Variants in PPP1R12B observed in about 807,000 individuals in gnomAD.
PPP1R12B encodes protein phosphatase 1 regulatory subunit 12B.
A neutral mutation model predicts 126.1 loss-of-function variants in PPP1R12B; 76 were observed. The ratio of observed to expected loss-of-function variants is 0.60; its 90% CI spans 0.50 to 0.73. PPP1R12B has a LOEUF of 0.73. Ranked by LOEUF, PPP1R12B falls within the 30% of genes least tolerant of loss-of-function variation. The pLI is 0.00. For missense variants in PPP1R12B, 1,052 were observed against 1,205.1 expected (o/e 0.87, Z 1.88); for synonymous variants, 356 against 434.7 (o/e 0.82, Z 2.25).
intron 1 of PPP1R12B, among the ~76,000 whole-genome samples, chr1:202,376,777 A>G (rs189247344): frequency 6.6e-6 from 1 of 152,186 alleles, no homozygotes; most frequent in African/African-American, 2.4e-5. Context: ...AGGATAGTGC[A>G]CTAACCAGAG....
chr1:202,562,671 G>T (rs780479141), intron 19 of PPP1R12B, 107 bp from the exon 20 acceptor site: 7 of 1,226,738 alleles, frequency 5.7e-6, no homozygotes, highest in South Asian at 1.2e-5. Flanking sequence ...TCTGGCCAGG[G>T]CTCCGAAATA....
chr1:202,520,939 G>A (rs1270320646), intron 18 of PPP1R12B, among the ~76,000 whole-genome samples: 2 of 152,116 alleles, frequency 1.3e-5, no homozygotes, highest in East Asian at 3.8e-4. Flanking sequence ...GGGCAATTGG[G>A]ACCAGGTTTT....
chr1:202,365,001 C>T (rs901776761), intron 1 of PPP1R12B, among the ~76,000 whole-genome samples: 3 of 152,128 alleles, frequency 2.0e-5, no homozygotes, highest in Non-Finnish European at 2.9e-5. Flanking sequence ...CATGAGCTAC[C>T]GCACCCAGCC....
At chr1:202,433,426 AC>A (rs934616421) in intron 8 of PPP1R12B, among the ~76,000 whole-genome samples, 2 of 152,176 alleles carry the variant, frequency 1.3e-5, no homozygotes, top group African/African-American at 4.8e-5. Flanking sequence ...TGATTATGCT[AC>A]ACCTCTGTTT....
intron 3 of PPP1R12B, 144 bp from the exon 4 acceptor site, chr1:202,425,422 T>G (rs1252317930): frequency 1.1e-6 from 1 of 876,150 alleles, no homozygotes; most frequent in Admixed American, 2.3e-5. Flanking sequence ...GCCATTGATC[T>G]TCTAAATTTG....
At chr1:202,368,308 C>G (rs777866237) in intron 1 of PPP1R12B, among the ~76,000 whole-genome samples, 1 of 152,068 alleles carries the variant, frequency 6.6e-6, no homozygotes, top group Non-Finnish European at 1.5e-5. Flanking sequence ...CACTGCCCCC[C>G]GCAACCTTGC....
In PPP1R12B at chr1:202,584,664, G is replaced by T. The variant is rs1290242458; in HGVS notation, c.*4104G>T. 6.6e-6 allele frequency: 1 copy of T among 152,272 alleles called. No individual in the cohort carries two copies. The highest frequency in any genetic ancestry group is 2.1e-4 in the South Asian group (1 of 4,836). The allele number at this position is 152,272 out of a possible 1,614,324, so 9.4% of individuals were successfully genotyped here. A position where few individuals can be genotyped will look rare whatever the true frequency, so the allele number is the denominator to read the frequency against. On this transcript the variant is annotated 3_prime_UTR_variant, in exon 24 of 24. Transcript: ENST00000608999. ...TCGGCACCCTTGAGGTGGGCATGGA[G>T]TGAGCAGAAGAAGCCTGGAGAAGAG... is the stretch of plus-strand genomic sequence containing the variant.
chr1:202,379,195 T>A (rs1445982549), intron 1 of PPP1R12B, among the ~76,000 whole-genome samples: 1 of 152,212 alleles, frequency 6.6e-6, no homozygotes, highest in African/African-American at 2.4e-5. Flanking sequence ...GCAAAATTGT[T>A]CTCATCCTAT....
chr1:202,549,256 C>T (rs1343478190), intron 18 of PPP1R12B, among the ~76,000 whole-genome samples: 1 of 152,134 alleles, frequency 6.6e-6, no homozygotes, highest in Non-Finnish European at 1.5e-5. Context: ...TTCATGACCA[C>T]CCAGTTTCAG....
intron 18 of PPP1R12B, among the ~76,000 whole-genome samples, chr1:202,530,167 G>A (rs1353481907): frequency 6.6e-6 from 1 of 151,836 alleles, no homozygotes; most frequent in African/African-American, 2.4e-5. Flanking sequence ...GGTGCTGTGA[G>A]CATTTGGCAG....
intron 18 of PPP1R12B, among the ~76,000 whole-genome samples, chr1:202,524,157 T>C (rs1228340542): frequency 2.6e-5 from 4 of 152,222 alleles, no homozygotes; most frequent in Non-Finnish European, 2.9e-5. Flanking sequence ...AATACAGTTG[T>C]TGAAAGTTGG....
At chr1:202,478,657 A>G (rs557209962) in intron 13 of PPP1R12B, among the ~76,000 whole-genome samples, 36 of 152,262 alleles carry the variant, frequency 2.4e-4, no homozygotes, top group Non-Finnish European at 4.6e-4. Flanking sequence ...ATTTACATAC[A>G]ATCTGGACTT....
At chr1:202,485,922 A>G (rs1302285394) in intron 13 of PPP1R12B, among the ~76,000 whole-genome samples, 2 of 152,142 alleles carry the variant, frequency 1.3e-5, no homozygotes, top group East Asian at 3.8e-4. Context: ...GGCTCTGTCA[A>G]CCAGGCTGAA....
At chr1:202,409,391 G>A (rs1258349812) in intron 1 of PPP1R12B, among the ~76,000 whole-genome samples, 2 of 147,870 alleles carry the variant, frequency 1.4e-5, no homozygotes, top group Admixed American at 6.7e-5. Flanking sequence ...GCATGATCTC[G>A]GCTCACTGCA....
At chr1:202,504,135 G>A (rs747208906) in intron 18 of PPP1R12B, among the ~76,000 whole-genome samples, 3 of 151,998 alleles carry the variant, frequency 2.0e-5, no homozygotes, top group Non-Finnish European at 4.4e-5. Context: ...TGGCTCACGC[G>A]TGTAATCCCA....
chr1:202,588,622 C>A lies in PPP1R12B; in HGVS notation c.*8062C>A, dbSNP rs1413279905. 3 of 152,426 alleles carry A rather than the reference C, an allele frequency of 2.0e-5. No homozygotes were observed. Among genetic ancestry groups the A allele is most frequent in the East Asian group, 3.8e-4 (2 of 5,204 alleles). 9.4% of individuals were successfully genotyped at this position (152,426 alleles called of 1,614,324 possible). A position where few individuals can be genotyped will look rare whatever the true frequency, so the allele number is the denominator to read the frequency against. ...GATTTCTAGAATCTCACATCTGGGGCAGCCTCTTCTGATTTTACATCTTAT... is the reference window on the plus strand; with the variant it reads ...GATTTCTAGAATCTCACATCTGGGGAAGCCTCTTCTGATTTTACATCTTAT... On this transcript the variant is annotated 3_prime_UTR_variant, in exon 24 of 24. Transcript: ENST00000608999.
chr1:202,448,940 A>G (rs1396838815), intron 12 of PPP1R12B, 49 bp from the exon 13 acceptor site: 3 of 1,568,086 alleles, frequency 1.9e-6, no homozygotes, highest in Admixed American at 1.7e-5. Context: ...GCTTTGTTGT[A>G]TAGCATGCCT....
chr1:202,399,703 A>G (rs968668895), intron 1 of PPP1R12B, among the ~76,000 whole-genome samples: 1 of 151,862 alleles, frequency 6.6e-6, no homozygotes, highest in Admixed American at 6.6e-5. Flanking sequence ...TCACCGTGTT[A>G]ACCAGGATGG....
intron 18 of PPP1R12B, among the ~76,000 whole-genome samples, chr1:202,523,277 C>T (rs1682965641): frequency 1.3e-5 from 2 of 151,960 alleles, no homozygotes; most frequent in African/African-American, 4.8e-5. Context: ...AAACAACAAA[C>T]ATAATAAAGT....
Sources: gnomAD v4.1 joint callset for allele counts (sites outside exome capture counted in the v4.1 genomes callset) on GRCh38, gnomAD v4.1.1 for gene constraint, MANE v1.5 for transcripts, NCBI Gene and HGNC (gene_info 2026-07-23, HGNC 2026-07-21) for gene names.